MKLN1: variants seen among roughly 807,000 people sequenced by gnomAD.
MKLN1 encodes the protein muskelin 1.
A neutral mutation model predicts 99.0 loss-of-function variants in MKLN1; 18 were observed. The ratio of observed to expected loss-of-function variants is 0.18; its 90% CI spans 0.13 to 0.27. The LOEUF is 0.27. Among genes scored for constraint, MKLN1 ranks in the 10% least tolerant of loss-of-function variants. MKLN1 has a pLI of 1.00. For synonymous variants in MKLN1, 288 were observed against 293.2 expected (o/e 0.98, Z 0.18); for missense variants, 621 against 875.9 (o/e 0.71, Z 3.67).
chr7:131,406,753 CCAGAT>C (rs767689761), intron 6 of MKLN1, among the ~76,000 whole-genome samples: 7 of 151,976 alleles, frequency 4.6e-5, no homozygotes, highest in Non-Finnish European at 1.0e-4. Context: ...ATGTAGAATT[CCAGAT>C]TGACACTTAC....
intron 3 of MKLN1, among the ~76,000 whole-genome samples, chr7:131,231,868 T>G (rs1174728335): frequency 1.3e-5 from 2 of 152,178 alleles, no homozygotes; most frequent in African/African-American, 2.4e-5. Flanking sequence ...GCCAATGTCA[T>G]GCTGAAGAAC....
rs534640447 is a variant in MKLN1 at position 131,365,058 on chromosome 7, G to A, written c.99-10366G>A. On this transcript the variant is annotated intron_variant, in intron 1 of 17. Transcript: ENST00000352689. ...AATTGCCATACTGCTTTCCACAATG[G>A]TTGAACTAATTTACACTCCCACTAA... Among the ~76,000 whole-genome samples the A allele has an allele frequency of 2.4e-4, 37 of 152,246 alleles. No individual in the cohort carries two copies. The South Asian group carries it at 7.5e-3, about 31-fold the overall frequency.
intron 3 of MKLN1, among the ~76,000 whole-genome samples, chr7:131,281,851 T>G (rs1443296022): frequency 6.6e-6 from 1 of 152,024 alleles, no homozygotes; most frequent in Non-Finnish European, 1.5e-5. Flanking sequence ...TTCTAAATTT[T>G]TTGCAAAGAT....
At chr7:131,342,899 T>C (rs1259316560) in intron 1 of MKLN1, among the ~76,000 whole-genome samples, 1 of 152,252 alleles carries the variant, frequency 6.6e-6, no homozygotes, top group Non-Finnish European at 1.5e-5. Context: ...TTCCTATTTT[T>C]ACCATAAACA....
intron 3 of MKLN1, among the ~76,000 whole-genome samples, chr7:131,299,526 C>T (rs1454367158): frequency 6.6e-6 from 1 of 152,200 alleles, no homozygotes; most frequent in Admixed American, 6.5e-5. Context: ...TAGAATATCT[C>T]ATTTAACCCT....
At chr7:131,392,602 CTTTT>C (rs772614936) in intron 4 of MKLN1, among the ~76,000 whole-genome samples, 7 of 134,494 alleles carry the variant, frequency 5.2e-5, no homozygotes, top group Non-Finnish European at 3.2e-5. Flanking sequence ...CTCAGAACCT[CTTTT>C]TTTTTTTTTT....
chr7:131,496,301 G>T lies in MKLN1; in HGVS notation c.*8573G>T, dbSNP rs959745401. On this transcript the variant is annotated 3_prime_UTR_variant, in exon 18 of 18. Transcript: ENST00000352689. ...ATGAGCTGGTTGGAGCTTTTAAACA[G>T]AAGTGCTTTATGGGTATCAGATCTC... 6.6e-6 allele frequency: 1 copy of T among 152,118 alleles called. No individual in the cohort carries two copies. The highest frequency in any genetic ancestry group is 1.5e-5 in the Non-Finnish European group (1 of 68,050). 9.4% of individuals were successfully genotyped at this position (152,118 alleles called of 1,614,324 possible). A position where few individuals can be genotyped will look rare whatever the true frequency, so the allele number is the denominator to read the frequency against.
At chr7:131,281,860 A>G (rs932156815) in intron 3 of MKLN1, among the ~76,000 whole-genome samples, 7 of 151,852 alleles carry the variant, frequency 4.6e-5, no homozygotes, top group African/African-American at 1.7e-4. Flanking sequence ...TTTTGCAAAG[A>G]TGGGGGTCTC....
chr7:131,415,310 T>C lies in MKLN1; in HGVS notation c.847+600T>C, dbSNP rs112353104. The stretch of plus-strand genomic sequence containing the variant: ...ACCATAGCTATATTTTATTATTGGA[T>C]TTTAGAAAACTTTACTGCATAGAAT... On this transcript the variant is annotated intron_variant, in intron 8 of 17. Coordinates refer to ENST00000352689, the MANE Select transcript of MKLN1 (RefSeq NM_013255.5). Among the ~76,000 whole-genome samples the C allele has an allele frequency of 3.1e-3, 470 of 152,200 alleles. 1 individual carries two copies. The highest frequency in any genetic ancestry group is 0.011 in the African/African-American group (448 of 41,540).
chr7:131,182,392 C>T (rs1220823951), intron 2 of MKLN1, among the ~76,000 whole-genome samples: 1 of 152,184 alleles, frequency 6.6e-6, no homozygotes, highest in Non-Finnish European at 1.5e-5. Flanking sequence ...TTTACTTTCA[C>T]GTTATTTGGG....
At chr7:131,475,773 T>A (rs1796947537) in intron 16 of MKLN1, among the ~76,000 whole-genome samples, 1 of 152,168 alleles carries the variant, frequency 6.6e-6, no homozygotes, top group African/African-American at 2.4e-5. Flanking sequence ...ATCATACCAC[T>A]GCACGCTGAA....
chr7:131,233,834 G>A (rs1797277031), intron 3 of MKLN1, among the ~76,000 whole-genome samples: 1 of 151,894 alleles, frequency 6.6e-6, no homozygotes, highest in Admixed American at 6.6e-5. Flanking sequence ...ACAAAAAGAG[G>A]AGAAGCCACA....
At chr7:131,375,346 A>G in intron 1 of MKLN1, 78 bp from the exon 2 acceptor site, 2 of 884,922 alleles carry the variant, frequency 2.3e-6, no homozygotes, top group Non-Finnish European at 3.8e-6. Flanking sequence ...ACTTTATGAT[A>G]ATTTCAGCAT....
intron 3 of MKLN1, among the ~76,000 whole-genome samples, chr7:131,318,644 C>A (rs1798714499): frequency 6.6e-6 from 1 of 151,928 alleles, no homozygotes; most frequent in Admixed American, 6.6e-5. Flanking sequence ...AAAAACCCTT[C>A]AAAAAATCAA....
Position 131,444,763 on chromosome 7 carries a change from AAGTAGTAGTAGTAGTAGT to A in MKLN1, c.1396-969_1396-952del, listed in dbSNP as rs60459266. Among the ~76,000 whole-genome samples, 590 of 117,964 alleles carry A rather than the reference AAGTAGTAGTAGTAGTAGT, an allele frequency of 5.0e-3. 6 individuals carry two copies. The highest frequency in any genetic ancestry group is 0.016 in the African/African-American group (514 of 31,500). 77.4% of individuals were successfully genotyped at this position (117,964 alleles called of 152,430 possible). On this transcript the variant is annotated intron_variant, in intron 11 of 17. Coordinates refer to ENST00000352689, the MANE Select transcript of MKLN1 (RefSeq NM_013255.5). ...GTAGTAGTAGTAGTAGTAGTAGAAGAAGTAGTAGTAGTAGTAGTAGTAGTAGTAGTAGTAGTAGTAGTA... is the reference window on the plus strand; with the variant it reads ...GTAGTAGTAGTAGTAGTAGTAGAAGAAGTAGTAGTAGTAGTAGTAGTAGTA...
chr7:131,227,630 A>G (rs1020054946), intron 3 of MKLN1, among the ~76,000 whole-genome samples: 1 of 150,106 alleles, frequency 6.7e-6, no homozygotes, highest in African/African-American at 2.5e-5. Context: ...CGGTGGAGCA[A>G]TCTTGGCTCA....
chr7:131,416,176 T>G (rs1017321880), intron 8 of MKLN1, among the ~76,000 whole-genome samples: 1 of 152,212 alleles, frequency 6.6e-6, no homozygotes. Context: ...CCTTTACCTT[T>G]TAAAGCAAAA....
intron 3 of MKLN1, among the ~76,000 whole-genome samples, chr7:131,268,688 C>T (rs7793658): frequency 0.98 from 149,801 of 152,204 alleles, 73,767 homozygotes; most frequent in East Asian, 1. Context: ...TTTGACTGAG[C>T]TCAGTCAATG....
At chr7:131,278,773 A>T (rs1798009854) in intron 3 of MKLN1, among the ~76,000 whole-genome samples, 1 of 151,494 alleles carries the variant, frequency 6.6e-6, no homozygotes, top group Non-Finnish European at 1.5e-5. Flanking sequence ...TTTAAAATTT[A>T]GTTTTTTGTA....
Sources: gnomAD v4.1 joint callset for allele counts (sites outside exome capture counted in the v4.1 genomes callset) on GRCh38, gnomAD v4.1.1 for gene constraint, MANE v1.5 for transcripts, NCBI Gene and HGNC (gene_info 2026-07-23, HGNC 2026-07-21) for gene names.